The following ERGIC3 variants were observed in gnomAD, a reference collection of about 807,000 sequenced individuals.
ERGIC3 encodes endoplasmic reticulum-Golgi intermediate compartment protein 3.
Under a neutral mutation model 54.7 loss-of-function variants are expected in ERGIC3, and 33 were observed. The observed-to-expected ratio is 0.60, with a 90% CI of 0.46 to 0.81. The LOEUF is 0.81. ERGIC3 is among the 30% of genes least tolerant of loss of function. The pLI, the probability that ERGIC3 is intolerant of heterozygous loss-of-function variation, is 0.00. For synonymous variants in ERGIC3, 186 were observed against 189.8 expected (o/e 0.98, Z 0.16); for missense variants, 399 against 488.4 (o/e 0.82, Z 1.73).
At chr20:35,554,913 G>A in intron 7 of ERGIC3, 131 bp from the exon 8 acceptor site, 1 of 1,103,210 alleles carries the variant, frequency 9.1e-7, no homozygotes. Context: ...GCAGGACCAG[G>A]AGGTGCCAGG....
chr20:35,547,853 A>G (rs1040688351), intron 5 of ERGIC3, among the ~76,000 whole-genome samples: 2 of 152,178 alleles, frequency 1.3e-5, no homozygotes, highest in Non-Finnish European at 2.9e-5. Flanking sequence ...TCTTCTCGTA[A>G]GAGTCACATA....
chr20:35,544,047 TATCTATC>T (rs2064633498), intron 4 of ERGIC3: 1 of 221,576 alleles, frequency 4.5e-6, no homozygotes, highest in African/African-American at 2.3e-5. Context: ...TCTATCTATC[TATCTATC>T]TATCTATCTG....
intron 10 of ERGIC3, 88 bp from the exon 11 acceptor site, chr20:35,556,884 AG>A: frequency 6.3e-7 from 1 of 1,575,918 alleles, no homozygotes; most frequent in African/African-American, 1.3e-5. Context: ...AAGGCTCAAC[AG>A]GAAAGGGGAA....
intron 4 of ERGIC3, among the ~76,000 whole-genome samples, chr20:35,545,700 G>A (rs2064645340): frequency 6.6e-6 from 1 of 152,222 alleles, no homozygotes; most frequent in South Asian, 2.1e-4. Context: ...ACATAAGGGT[G>A]TGAATACTAG....
chr20:35,548,736 G>A lies in ERGIC3; in HGVS notation c.627+62G>A, dbSNP rs1312487827. The A allele has an allele frequency of 5.0e-6, 8 of 1,613,354 alleles. No homozygotes were observed. The African/African-American group carries it at 5.3e-5, about 11-fold the overall frequency. Reference sequence around the variant, plus strand: ...GGCTGGGCAAGCTCCACTGGGAACCGAGGGCCCAGTCAGGCCCTGAGTAGG... The same window carrying A: ...GGCTGGGCAAGCTCCACTGGGAACCAAGGGCCCAGTCAGGCCCTGAGTAGG... On this transcript the variant is annotated intron_variant, in intron 6 of 12. Coordinates refer to ENST00000348547, the MANE Select transcript of ERGIC3 (RefSeq NM_015966.3).
At position 35,556,119 on chromosome 20, in the gene ERGIC3, T is replaced by G; in HGVS notation, c.804T>G (p.Thr268=). 1 of 1,614,180 alleles carries G rather than the reference T, an allele frequency of 6.2e-7. No homozygotes were observed. The highest frequency in any genetic ancestry group is 8.5e-7 in the Non-Finnish European group (1 of 1,180,036). ...ACCCCCTGGACCACACCAATGTCAC[T>G]GCGCCCCAAGGTACCAGCCCGGGAG... ...IVNPLDHTNV[T]APQASMMFQY... The change falls in exon 9 of 13, where the codon ACT becomes ACG. Residue 268 remains threonine (T), a synonymous_variant. Coordinates refer to ENST00000348547, the MANE Select transcript of ERGIC3 (RefSeq NM_015966.3).
chr20:35,553,069 C>CTCCAGCCTCA (rs2064690727), intron 7 of ERGIC3, among the ~76,000 whole-genome samples: 1 of 98,146 alleles, frequency 1.0e-5, no homozygotes. Flanking sequence ...TGCCATGGCA[C>CTCCAGCCTCA]AATCTTGGCT....
chr20:35,556,410 G>T (rs1177794819), intron 10 of ERGIC3, 139 bp downstream of exon 10: 2 of 928,422 alleles, frequency 2.2e-6, no homozygotes, highest in Non-Finnish European at 3.4e-6. Context: ...CAGAGAGGGT[G>T]GGGGATTTGC....
chr20:35,557,514 G>A lies in ERGIC3; in HGVS notation c.*10G>A. 1 of 1,613,132 alleles carries A rather than the reference G, an allele frequency of 6.2e-7. No homozygotes were observed. The highest frequency in any genetic ancestry group is 8.5e-7 in the Non-Finnish European group (1 of 1,179,258). On this transcript the variant is annotated 3_prime_UTR_variant, in exon 13 of 13. Transcript: ENST00000348547. ...AGGGAAGACAACGTAGTCACCCTCG[G>A]TGCTTCCTCTGTCTCCTCTTTCTCC...
chr20:35,556,970 C>G lies in ERGIC3; in HGVS notation c.880-3C>G, dbSNP rs754304886. On this transcript the variant is annotated splice_region_variant and splice_polypyrimidine_tract_variant and intron_variant, in intron 10 of 12. Transcript: ENST00000348547. ...CCTGGCCCAGGCTCCCCTCCCACCC[C>G]AGGTACTGAGGACAAATCAGTTCTC... 2 of 1,614,056 alleles carry G rather than the reference C, an allele frequency of 1.2e-6. No individual in the cohort carries two copies. The highest frequency in any genetic ancestry group is 1.7e-6 in the Non-Finnish European group (2 of 1,180,022).
chr20:35,545,558 A>C (rs2064644448), intron 4 of ERGIC3, among the ~76,000 whole-genome samples: 1 of 149,308 alleles, frequency 6.7e-6, no homozygotes, highest in South Asian at 2.2e-4. Context: ...CAAGAGTGAA[A>C]CTCTGTCTCA....
chr20:35,546,232 GC>G (rs1392016445), intron 4 of ERGIC3, among the ~76,000 whole-genome samples: 2 of 152,084 alleles, frequency 1.3e-5, no homozygotes, highest in African/African-American at 4.8e-5. Flanking sequence ...GGATCAAAGA[GC>G]AAAAAAGGAA....
At chr20:35,556,643 G>A (rs1321266897) in intron 10 of ERGIC3, 1 of 496,172 alleles carries the variant, frequency 2.0e-6, no homozygotes, top group Non-Finnish European at 3.7e-6. Context: ...GGCAGGATGC[G>A]AGGGGCTGAG....
chr20:35,555,506 T>C (rs2064706122), intron 8 of ERGIC3, among the ~76,000 whole-genome samples: 1 of 152,160 alleles, frequency 6.6e-6, no homozygotes, highest in Non-Finnish European at 1.5e-5. Flanking sequence ...ATTTGCATTT[T>C]AGGAAAGATC....
intron 10 of ERGIC3, chr20:35,556,488 C>A: frequency 1.7e-6 from 1 of 582,536 alleles, no homozygotes; most frequent in Non-Finnish European, 3.0e-6. Flanking sequence ...CTGCCCTCAC[C>A]GCTTCTATCC....
At chr20:35,551,526 CA>C (rs996189813) in intron 7 of ERGIC3, among the ~76,000 whole-genome samples, 1 of 152,114 alleles carries the variant, frequency 6.6e-6, no homozygotes, top group African/African-American at 2.4e-5. Context: ...GCATCATCAG[CA>C]TGTGTATAGA....
chr20:35,548,949 CA>C, intron 7 of ERGIC3, 84 bp downstream of exon 7: 1 of 1,528,672 alleles, frequency 6.5e-7, no homozygotes, highest in Non-Finnish European at 9.1e-7. Context: ...GCCTGCTGCT[CA>C]TTTGTCTTGG....
At chr20:35,544,489 G>C in intron 4 of ERGIC3, 1 of 290,800 alleles carries the variant, frequency 3.4e-6, no homozygotes, top group Admixed American at 4.3e-5. Context: ...AGCTCCTCCT[G>C]CCTCCTCTTA....
At chr20:35,543,663 T>G in intron 4 of ERGIC3, 1 of 471,218 alleles carries the variant, frequency 2.1e-6, no homozygotes, top group South Asian at 1.5e-5. Flanking sequence ...TTCAGCAGAT[T>G]AATGCAGGAC....
Sources: gnomAD v4.1 joint callset for allele counts (sites outside exome capture counted in the v4.1 genomes callset) on GRCh38, gnomAD v4.1.1 for gene constraint, MANE v1.5 for transcripts, NCBI Gene and HGNC (gene_info 2026-07-23, HGNC 2026-07-21) for gene names.